SPATA17: variants seen among roughly 807,000 people sequenced by gnomAD.
The protein encoded by SPATA17 is spermatogenesis associated 17.
Under a neutral mutation model 62.2 loss-of-function variants are expected in SPATA17, and 53 were observed. The observed-to-expected ratio is 0.85, with a 90% confidence interval of 0.68 to 1.07. The LOEUF (loss-of-function observed/expected upper bound fraction) is 1.07. SPATA17 is among the 50% of genes least tolerant of loss of function. SPATA17 has a pLI of 0.00. For synonymous variants in SPATA17, 146 were observed against 146.8 expected (o/e 0.99, Z 0.04); for missense variants, 466 against 425.5 (o/e 1.10, Z -0.84).
At chr1:217,669,137 CG>C in intron 4 of SPATA17, 54 bp downstream of exon 4, 2 of 1,511,572 alleles carry the variant, frequency 1.3e-6, no homozygotes, top group South Asian at 2.4e-5. Context: ...GCCCTGAATT[CG>C]CTTTTAATAA....
intron 10 of SPATA17, among the ~76,000 whole-genome samples, chr1:217,864,952 T>G (rs577656034): frequency 1.3e-5 from 2 of 151,856 alleles, no homozygotes; most frequent in Admixed American, 6.6e-5. Context: ...TATGTTATGG[T>G]TTTTTTTAAT....
chr1:217,673,173 AT>A (rs1177233216), intron 4 of SPATA17, among the ~76,000 whole-genome samples: 1 of 152,068 alleles, frequency 6.6e-6, no homozygotes, highest in African/African-American at 2.4e-5. Flanking sequence ...GTAAGGTAAA[AT>A]TTAGTTTGTG....
At position 217,782,240 on chromosome 1, in the gene SPATA17, G is replaced by C. The variant is rs754533277; in HGVS notation, c.790G>C (p.Val264Leu). The change falls in exon 8 of 11, where the codon GTG becomes CTG. Residue 264 changes from valine (V) to leucine (L), a missense_variant. Transcript: ENST00000366933. ...CAGGCCTTTGGAGCCAACGTTGCGG[G>C]TGGCAGAACCAATCGATGAGTTAAA... ...RYRPLEPTLR[V>L]AEPIDELKLA... is the part of the protein sequence containing the mutation. 43 of 1,612,530 alleles carry C rather than the reference G, an allele frequency of 2.7e-5. No individual in the cohort carries two copies. Among genetic ancestry groups the C allele is most frequent in the Non-Finnish European group, 3.6e-5 (42 of 1,179,194 alleles).
intron 9 of SPATA17, among the ~76,000 whole-genome samples, chr1:217,808,070 C>T (rs563100043): frequency 1.6e-4 from 25 of 152,262 alleles, no homozygotes; most frequent in African/African-American, 4.3e-4. Context: ...AAGAGCCATA[C>T]GTTCTATATA....
intron 6 of SPATA17, among the ~76,000 whole-genome samples, chr1:217,753,056 A>C (rs1471266760): frequency 1.3e-5 from 2 of 152,158 alleles, no homozygotes; most frequent in Non-Finnish European, 2.9e-5. Context: ...ATACCACCCA[A>C]CCCACGGGGA....
At chr1:217,764,418 A>G (rs1673250249) in intron 6 of SPATA17, among the ~76,000 whole-genome samples, 1 of 152,220 alleles carries the variant, frequency 6.6e-6, no homozygotes, top group South Asian at 2.1e-4. Flanking sequence ...GTGATAGGTC[A>G]TTGTTTTTTA....
chr1:217,662,397 A>AT (rs1362592262), intron 3 of SPATA17, among the ~76,000 whole-genome samples: 3 of 152,136 alleles, frequency 2.0e-5, no homozygotes, highest in Admixed American at 6.5e-5. Flanking sequence ...ATTTAATTAA[A>AT]TTTTTTGTTG....
intron 4 of SPATA17, among the ~76,000 whole-genome samples, chr1:217,681,352 C>T (rs750378985): frequency 3.3e-5 from 5 of 152,018 alleles, no homozygotes; most frequent in Non-Finnish European, 7.4e-5. Flanking sequence ...GACAAAAACA[C>T]TCCCTTATAA....
intron 6 of SPATA17, among the ~76,000 whole-genome samples, chr1:217,764,234 G>A (rs1222963129): frequency 6.6e-6 from 1 of 152,062 alleles, no homozygotes; most frequent in Non-Finnish European, 1.5e-5. Context: ...CCTGTGCTCT[G>A]CCTCTTCATC....
chr1:217,857,936 C>G (rs1416043261), intron 9 of SPATA17, among the ~76,000 whole-genome samples: 5 of 152,164 alleles, frequency 3.3e-5, no homozygotes, highest in Non-Finnish European at 7.3e-5. Context: ...TGGTTGGAAG[C>G]TAGCATAGTG....
intron 3 of SPATA17, among the ~76,000 whole-genome samples, chr1:217,655,916 T>C (rs1397227584): frequency 6.6e-6 from 1 of 152,182 alleles, no homozygotes; most frequent in Non-Finnish European, 1.5e-5. Context: ...TGAGGTTGTA[T>C]GTCAATGGTA....
chr1:217,689,446 G>C (rs541067225), intron 5 of SPATA17, among the ~76,000 whole-genome samples: 5 of 151,780 alleles, frequency 3.3e-5, no homozygotes, highest in Admixed American at 6.6e-5. Context: ...GGCTGGTCTC[G>C]AACTCCTGGC....
intron 9 of SPATA17, among the ~76,000 whole-genome samples, chr1:217,817,465 A>G (rs556999910): frequency 6.6e-6 from 1 of 152,154 alleles, no homozygotes; most frequent in South Asian, 2.1e-4. Flanking sequence ...CCATGATTGT[A>G]AGTTTCCTGA....
At chr1:217,687,557 A>C (rs1671243843) in intron 5 of SPATA17, among the ~76,000 whole-genome samples, 1 of 152,228 alleles carries the variant, frequency 6.6e-6, no homozygotes, top group Admixed American at 6.5e-5. Context: ...TTCAATACAC[A>C]AATAGTTACA....
chr1:217,764,409 T>C (rs1441459473), intron 6 of SPATA17, among the ~76,000 whole-genome samples: 2 of 152,186 alleles, frequency 1.3e-5, no homozygotes, highest in African/African-American at 4.8e-5. Context: ...TTTCATGGTG[T>C]GATAGGTCAT....
intron 5 of SPATA17, among the ~76,000 whole-genome samples, chr1:217,711,899 C>A (rs969437208): frequency 2.6e-5 from 4 of 152,092 alleles, no homozygotes; most frequent in Non-Finnish European, 4.4e-5. Context: ...AATGGTCGTG[C>A]CTTAGTACCC....
At chr1:217,833,696 G>T (rs34501226) in intron 9 of SPATA17, among the ~76,000 whole-genome samples, 1 of 152,142 alleles carries the variant, frequency 6.6e-6, no homozygotes, top group Non-Finnish European at 1.5e-5. Context: ...ATTTTCTTCA[G>T]AAATAATCTT....
At chr1:217,701,787 A>T (rs540558189) in intron 5 of SPATA17, among the ~76,000 whole-genome samples, 2 of 151,874 alleles carry the variant, frequency 1.3e-5, no homozygotes, top group South Asian at 4.2e-4. Flanking sequence ...TATTTTCTTT[A>T]TACTCTTTCG....
chr1:217,691,216 T>C (rs1044505107), intron 5 of SPATA17, among the ~76,000 whole-genome samples: 8 of 147,264 alleles, frequency 5.4e-5, no homozygotes, highest in African/African-American at 2.0e-4. Flanking sequence ...ATAGTGGTTT[T>C]GATTTGCATT....
Sources: gnomAD v4.1 joint callset for allele counts (sites outside exome capture counted in the v4.1 genomes callset) on GRCh38, gnomAD v4.1.1 for gene constraint, MANE v1.5 for transcripts, NCBI Gene and HGNC (gene_info 2026-07-23, HGNC 2026-07-21) for gene names.